RBFOX2: variants seen among roughly 807,000 people sequenced by gnomAD.
The protein encoded by RBFOX2 is RNA binding protein fox-1 homolog 2.
In RBFOX2, 10 loss-of-function variants were observed where a neutral mutation model predicts 49.1. The ratio of observed to expected loss-of-function variants is 0.20; its 90% CI spans 0.13 to 0.35. RBFOX2 has a LOEUF of 0.35. Ranked by LOEUF, RBFOX2 falls within the 10% of genes least tolerant of loss-of-function variation. RBFOX2 has a pLI of 1.00. For synonymous variants in RBFOX2, 183 were observed against 187.4 expected (o/e 0.98, Z 0.19); for missense variants, 323 against 486.9 (o/e 0.66, Z 3.17).
intron 6 of RBFOX2, 84 bp from the exon 8 acceptor site, chr22:35,761,552 T>C (rs1938877667): frequency 7.0e-7 from 1 of 1,434,286 alleles, no homozygotes; most frequent in Non-Finnish European, 9.8e-7. Context: ...GCTTCAGCCA[T>C]CTCTGGGGCT....
In RBFOX2 at chr22:35,812,366, A is replaced by G. The variant is rs547529952; in HGVS notation, c.28-2362T>C. Among the ~76,000 whole-genome samples the G allele has an allele frequency of 8.5e-5, 13 of 152,216 alleles. No homozygotes were observed. The South Asian group carries it at 2.5e-3, about 29-fold the overall frequency. ...AAAAAGTCTATCTTCGTCACCCATC[A>G]CCATATAACTTCTTTACGTTATTTC... On this transcript the variant is annotated intron_variant, in intron 1 of 11. Coordinates refer to ENST00000405409, the Ensembl canonical transcript of RBFOX2.
intron 1 of RBFOX2, among the ~76,000 whole-genome samples, chr22:35,815,912 A>G (rs1952931651): frequency 6.6e-6 from 1 of 152,218 alleles, no homozygotes; most frequent in East Asian, 1.9e-4. Context: ...TTAAAAAAAA[A>G]GAGTACCTAG....
chr22:35,959,574 T>C (rs2055973840), intron 1 of RBFOX2, among the ~76,000 whole-genome samples: 2 of 152,242 alleles, frequency 1.3e-5, no homozygotes, highest in Admixed American at 1.3e-4. Flanking sequence ...TGTTAAAATG[T>C]AGATTCTGAT....
rs543994017 is a variant in RBFOX2, at chr22:35,799,380, T to C, written c.252+10400A>G. On this transcript the variant is annotated intron_variant, in intron 2 of 11. Coordinates refer to ENST00000405409, the Ensembl canonical transcript of RBFOX2. ...GCTTACCTCTTTTGCTAATGCACAG[T>C]ATGGGACCAACTGACTATCAAAATA... Among the ~76,000 whole-genome samples, 4 of 152,308 alleles carry C rather than the reference T, an allele frequency of 2.6e-5. No individual in the cohort carries two copies. The South Asian group carries it at 8.3e-4, about 32-fold the overall frequency.
chr22:35,962,579 A>G (rs987792267), upstream of RBFOX2, among the ~76,000 whole-genome samples: 1 of 152,206 alleles, frequency 6.6e-6, no homozygotes, highest in Non-Finnish European at 1.5e-5. Flanking sequence ...TTTCATAATC[A>G]TAGATATACC....
intron 1 of RBFOX2, among the ~76,000 whole-genome samples, chr22:35,914,071 A>G (rs1007370564): frequency 1.3e-5 from 2 of 152,192 alleles, no homozygotes; most frequent in East Asian, 3.9e-4. Flanking sequence ...GAGTTAAAGA[A>G]TATCAGAGTG....
intron 1 of RBFOX2, among the ~76,000 whole-genome samples, chr22:35,862,953 T>C (rs954110989): frequency 6.6e-6 from 1 of 152,162 alleles, no homozygotes; most frequent in Non-Finnish European, 1.5e-5. Flanking sequence ...TCTCTGATAA[T>C]TGAAGGACAT....
At chr22:35,971,387 G>C (rs369599678) in intron 1 of RBFOX2, among the ~76,000 whole-genome samples, 13 of 152,018 alleles carry the variant, frequency 8.6e-5, no homozygotes, top group African/African-American at 3.1e-4. Flanking sequence ...ATAAAGAGTG[G>C]CTTGTTTTTC....
At chr22:35,875,264 A>G (rs532298117) in intron 1 of RBFOX2, among the ~76,000 whole-genome samples, 54 of 152,316 alleles carry the variant, frequency 3.5e-4, no homozygotes, top group African/African-American at 1.2e-3. Flanking sequence ...AAAGTAAAGG[A>G]AAGAGGGAGT....
At chr22:35,781,668 G>A in exon 3 of RBFOX2, 2 of 1,614,172 alleles carry the variant, frequency 1.2e-6, no homozygotes, top group Non-Finnish European at 1.7e-6. Context: ...AGCCGTTTCG[G>A]GGTAGATTTA....
chr22:35,742,379 A>G (rs1048045529), exon 12 of RBFOX2: 5 of 152,656 alleles, frequency 3.3e-5, no homozygotes, highest in Non-Finnish European at 5.9e-5. Flanking sequence ...CCTCTCAGAT[A>G]TATCACTCTG....
intron 1 of RBFOX2, among the ~76,000 whole-genome samples, chr22:35,859,770 C>T (rs1166288028): frequency 6.6e-6 from 1 of 152,120 alleles, no homozygotes; most frequent in Non-Finnish European, 1.5e-5. Flanking sequence ...ACCATGTTGG[C>T]CAGGCTGGTC....
chr22:35,897,525 TA>T, intron 1 of RBFOX2: 1 of 824,694 alleles, frequency 1.2e-6, no homozygotes, highest in Non-Finnish European at 2.2e-6. Context: ...TGGCAAGGGG[TA>T]CGGGAGGAAG....
chr22:35,936,371 G>A (rs1477314197), intron 1 of RBFOX2, among the ~76,000 whole-genome samples: 4 of 151,834 alleles, frequency 2.6e-5, no homozygotes, highest in African/African-American at 9.7e-5. Flanking sequence ...TTCCATTTCC[G>A]CCAGCTCAGA....
intron 1 of RBFOX2, chr22:35,994,069 T>C (rs917743649): frequency 2.6e-5 from 4 of 152,036 alleles, no homozygotes; most frequent in Non-Finnish European, 5.9e-5. Context: ...AGCACACCAG[T>C]ATTGTAGTAA....
At chr22:35,798,296 C>T (rs1463324208) in intron 2 of RBFOX2, among the ~76,000 whole-genome samples, 1 of 152,160 alleles carries the variant, frequency 6.6e-6, no homozygotes, top group East Asian at 1.9e-4. Flanking sequence ...TCTACTGGAA[C>T]TTCTATAGGT....
intron 1 of RBFOX2, among the ~76,000 whole-genome samples, chr22:36,011,243 C>T (rs1433194068): frequency 1.3e-5 from 2 of 152,102 alleles, no homozygotes; most frequent in Non-Finnish European, 2.9e-5. Context: ...CATGGAGAGA[C>T]GAGGATACCT....
At chr22:35,740,074 A>AT (rs1929102881) in exon 12 of RBFOX2, 1 of 152,580 alleles carries the variant, frequency 6.6e-6, no homozygotes, top group Admixed American at 6.5e-5. Context: ...AGTGCATCTG[A>AT]TTGAGGAATC....
At chr22:35,861,553 A>C (rs895812182) in intron 1 of RBFOX2, among the ~76,000 whole-genome samples, 7 of 152,228 alleles carry the variant, frequency 4.6e-5, no homozygotes, top group Admixed American at 1.3e-4. Context: ...CATGAAAAGA[A>C]GCTCAGTATC....
Sources: gnomAD v4.1 joint callset for allele counts (sites outside exome capture counted in the v4.1 genomes callset) on GRCh38, gnomAD v4.1.1 for gene constraint, MANE v1.5 for transcripts, NCBI Gene and HGNC (gene_info 2026-07-23, HGNC 2026-07-21) for gene names.